Variants in SLC17A5 observed in about 807,000 individuals in gnomAD.
SLC17A5 encodes the protein solute carrier family 17 member 5, also known as sialin.
A neutral mutation model predicts 59.4 loss-of-function variants in SLC17A5; 47 were observed. That is an observed-to-expected ratio of 0.79 (90% CI 0.63 to 1.01). SLC17A5 has a LOEUF of 1.01. Ranked by LOEUF, SLC17A5 falls within the 50% of genes least tolerant of loss-of-function variation. SLC17A5 has a pLI of 0.00. For synonymous variants in SLC17A5, 202 were observed against 210.7 expected (o/e 0.96, Z 0.36); for missense variants, 522 against 595.5 (o/e 0.88, Z 1.28).
At chr6:73,642,278 G>GT (rs1554164337) in intron 2 of SLC17A5, among the ~76,000 whole-genome samples, 1 of 151,934 alleles carries the variant, frequency 6.6e-6, no homozygotes, top group Non-Finnish European at 1.5e-5. Flanking sequence ...GGAGGCTGCC[G>GT]CCCCCCCGGC....
Position 73,610,411 on chromosome 6 carries a change from ATC to A in SLC17A5, c.1246_1247del (p.Asp416TyrfsTer29). The A allele has an allele frequency of 6.2e-7, 1 of 1,614,144 alleles. No homozygotes were observed. Among genetic ancestry groups the A allele is most frequent in the Non-Finnish European group, 8.5e-7 (1 of 1,180,016 alleles). ...ATATTAGTACTCACGAAGGAGCAATATCCAGATGGTTGATGCTAAATCCAGAA... is the reference window on the plus strand; with the variant it reads ...ATATTAGTACTCACGAAGGAGCAATACAGATGGTTGATGCTAAATCCAGAA... ...CSSGFSINHL[D>X]IAPSYAGILL... On this transcript the variant is annotated frameshift_variant, in exon 9 of 11. Transcript: ENST00000355773. LOFTEE classifies it high-confidence loss of function.
intron 1 of SLC17A5, 58 bp downstream of exon 1, chr6:73,653,735 G>A: frequency 2.7e-6 from 4 of 1,476,190 alleles, no homozygotes; most frequent in Non-Finnish European, 3.7e-6. Flanking sequence ...CCGGCCCAGA[G>A]ACCGCCGCCC....
rs1447676094 is a variant in SLC17A5 at position 73,638,356 on chromosome 6, C to T, written c.613+56G>A. ...GTTCTGGTATGCAGGCCCTTTTTCC[C>T]AAAGGTTGATATATACATAACATAT... On this transcript the variant is annotated intron_variant, in intron 4 of 10. Coordinates refer to ENST00000355773, the MANE Select transcript of SLC17A5 (RefSeq NM_012434.5). The T allele has an allele frequency of 8.3e-6, 11 of 1,326,088 alleles. No homozygotes were observed. In the South Asian group the frequency reaches 1.2e-4, roughly 15 times the overall value. The allele number at this position is 1,326,088 out of a possible 1,614,324, so 82.1% of individuals were successfully genotyped here.
chr6:73,604,660 T>TG (rs34108732), intron 9 of SLC17A5, among the ~76,000 whole-genome samples: 16,323 of 151,996 alleles, frequency 0.11, 1,050 homozygotes, highest in Middle Eastern at 0.18. Context: ...GAGGCTGAGG[T>TG]GGAGGATTGC....
chr6:73,623,004 G>T (rs1347771202), intron 6 of SLC17A5, among the ~76,000 whole-genome samples: 1 of 152,076 alleles, frequency 6.6e-6, no homozygotes, highest in Non-Finnish European at 1.5e-5. Context: ...TTGTTTGTTT[G>T]CCCTCAGAGT....
At chr6:73,645,651 G>A in intron 1 of SLC17A5, 4 of 219,118 alleles carry the variant, frequency 1.8e-5, no homozygotes, top group Non-Finnish European at 3.1e-5. Flanking sequence ...AGCCGGGCGT[G>A]GTCGCGGGCG....
chr6:73,624,882 A>AAAT (rs1561993848), intron 6 of SLC17A5, among the ~76,000 whole-genome samples: 3 of 151,558 alleles, frequency 2.0e-5, no homozygotes, highest in African/African-American at 7.3e-5. Context: ...AAAAGAAAAC[A>AAAT]ATATATATAT....
chr6:73,621,659 C>G (rs1768158717), intron 7 of SLC17A5, 145 bp downstream of exon 7: 1 of 659,172 alleles, frequency 1.5e-6, no homozygotes, highest in Admixed American at 2.9e-5. Context: ...TCTTAATAGT[C>G]CTTTGATGTA....
chr6:73,634,397 C>T (rs547534941), intron 6 of SLC17A5, among the ~76,000 whole-genome samples: 19 of 152,100 alleles, frequency 1.2e-4, no homozygotes, highest in African/African-American at 4.6e-4. Flanking sequence ...ATTAAGCATC[C>T]TAAATCTTGT....
chr6:73,653,117 C>G, intron 1 of SLC17A5: 1 of 985,370 alleles, frequency 1.0e-6, no homozygotes, highest in Non-Finnish European at 1.2e-6. Flanking sequence ...TCATAGACTG[C>G]CAGACGGAAA....
At position 73,636,760 on chromosome 6, in the gene SLC17A5, A is replaced by T. The variant is rs187397338; in HGVS notation, c.614-53T>A. 87 of 1,274,422 alleles carry T rather than the reference A, an allele frequency of 6.8e-5. No individual in the cohort carries two copies. In the African/African-American group the frequency reaches 7.8e-4, roughly 11 times the overall value. 78.9% of individuals were successfully genotyped at this position (1,274,422 alleles called of 1,614,324 possible). ...AAACTTTGGAGAGAGAAACAAGGATAGGACAGACAAGTCTACTGCTTACAG... is the reference window on the plus strand; with the variant it reads ...AAACTTTGGAGAGAGAAACAAGGATTGGACAGACAAGTCTACTGCTTACAG... On this transcript the variant is annotated intron_variant, in intron 4 of 10. Transcript: ENST00000355773.
chr6:73,622,928 G>A (rs1229807966), intron 6 of SLC17A5, among the ~76,000 whole-genome samples: 1 of 152,210 alleles, frequency 6.6e-6, no homozygotes, highest in Admixed American at 6.5e-5. Flanking sequence ...TGGCCCTGGA[G>A]TATGTCAGGT....
At chr6:73,652,736 C>T (rs1392607091) in intron 1 of SLC17A5, among the ~76,000 whole-genome samples, 1 of 100,532 alleles carries the variant, frequency 9.9e-6, no homozygotes, top group African/African-American at 3.0e-5. Context: ...CTAAAATAAG[C>T]TCCCGGCTGC....
In SLC17A5 at chr6:73,641,923, C is replaced by T. The variant is rs1246886909; in HGVS notation, c.293G>A (p.Gly98Asp). The change falls in exon 3 of 11, where the codon GGT becomes GAT. Residue 98 changes from glycine to aspartate, a missense_variant and splice_region_variant. By Grantham distance (94) the Gly-to-Asp change is moderately conservative. Transcript: ENST00000355773. ...APIKVHHNQT[G>D]KKYQWDAETQ... is the part of the protein sequence containing the mutation. ...TTCTGCATCCCATTGGTACTTCTTA[C>T]CCTACAAAAATCAGAAAAGAATAAA... 4 of 1,613,100 alleles carry T rather than the reference C, an allele frequency of 2.5e-6. No homozygotes were observed. The highest frequency in any genetic ancestry group is 2.7e-5 in the African/African-American group (2 of 74,984).
chr6:73,625,335 C>T (rs547131351), intron 6 of SLC17A5, among the ~76,000 whole-genome samples: 19 of 151,058 alleles, frequency 1.3e-4, no homozygotes, highest in South Asian at 1.0e-3. Flanking sequence ...TATAGGCACC[C>T]GCCACCACCC....
chr6:73,621,744 C>G, intron 7 of SLC17A5, 60 bp downstream of exon 7: 1 of 1,366,988 alleles, frequency 7.3e-7, no homozygotes, highest in Non-Finnish European at 1.0e-6. Flanking sequence ...CAGATGAGAA[C>G]AAATTCTGTG....
chr6:73,597,496 C>A (rs1014907066), intron 10 of SLC17A5, among the ~76,000 whole-genome samples: 5 of 150,120 alleles, frequency 3.3e-5, no homozygotes, highest in African/African-American at 4.9e-5. Flanking sequence ...ACAAAAAAAA[C>A]CAAGCAGGCC....
At chr6:73,606,406 T>G (rs1418558661) in intron 9 of SLC17A5, among the ~76,000 whole-genome samples, 2 of 152,234 alleles carry the variant, frequency 1.3e-5, no homozygotes, top group Non-Finnish European at 2.9e-5. Flanking sequence ...CCTCATTATC[T>G]GAGGCACAAA....
chr6:73,622,798 T>C (rs541622425), intron 6 of SLC17A5, among the ~76,000 whole-genome samples: 1 of 152,290 alleles, frequency 6.6e-6, no homozygotes, highest in Admixed American at 6.5e-5. Context: ...AAAAGCACCA[T>C]AGGGGTATGC....
Sources: allele counts gnomAD v4.1 joint callset (sites outside exome capture counted in the v4.1 genomes callset), GRCh38; gene constraint gnomAD v4.1.1; transcripts MANE v1.5; gene names NCBI Gene and HGNC (gene_info 2026-07-23, HGNC 2026-07-21).